The following FHIT variants were observed in gnomAD, a reference collection of about 807,000 sequenced individuals.
The protein encoded by FHIT is bis(5'-adenosyl)-triphosphatase.
A neutral mutation model predicts 17.9 loss-of-function variants in FHIT; 19 were observed. The observed-to-expected ratio is 1.06, with a 90% CI of 0.74 to 1.56. FHIT has a LOEUF of 1.56. Among genes scored for constraint, FHIT ranks in the 40% most tolerant of loss-of-function variants. The pLI is 0.00. For synonymous variants in FHIT, 81 were observed against 69.7 expected, an observed-to-expected ratio of 1.16 and a Z score of -0.81; for missense variants, 248 against 189.2, an observed-to-expected ratio of 1.31 and a Z score of -1.82.
chr3:59,849,532 C>T (rs1055834731), intron 8 of FHIT, among the ~76,000 whole-genome samples: 3 of 152,088 alleles, frequency 2.0e-5, no homozygotes, highest in African/African-American at 7.2e-5. Context: ...GGCCTCCAAC[C>T]CACAAATATA....
intron 1 of FHIT, among the ~76,000 whole-genome samples, chr3:61,204,915 C>T (rs1453166946): frequency 6.6e-6 from 1 of 151,944 alleles, no homozygotes; most frequent in African/African-American, 2.4e-5. Flanking sequence ...TGTTGGTGTG[C>T]TGCACCCATT....
intron 5 of FHIT, among the ~76,000 whole-genome samples, chr3:60,358,055 G>C (rs1699750231): frequency 6.6e-6 from 1 of 152,190 alleles, no homozygotes; most frequent in Non-Finnish European, 1.5e-5. Context: ...TTAGCAATTT[G>C]TGTTTTATTA....
At chr3:61,066,148 A>G (rs2034601790) in intron 2 of FHIT, among the ~76,000 whole-genome samples, 1 of 152,206 alleles carries the variant, frequency 6.6e-6, no homozygotes, top group Non-Finnish European at 1.5e-5. Flanking sequence ...CACTCTTGCA[A>G]TAGTGAACCC....
intron 3 of FHIT, among the ~76,000 whole-genome samples, chr3:60,986,354 G>T (rs1383516081): frequency 6.6e-6 from 1 of 152,180 alleles, no homozygotes. Flanking sequence ...GGCTGGAATA[G>T]ATCTTGGCCT....
intron 5 of FHIT, among the ~76,000 whole-genome samples, chr3:60,508,550 T>A (rs1057148376): frequency 6.6e-6 from 1 of 152,304 alleles, no homozygotes; most frequent in African/African-American, 2.4e-5. Flanking sequence ...TAATTTAGAC[T>A]TCATTGGAGA....
At chr3:60,676,330 C>G (rs1419779313) in intron 4 of FHIT, among the ~76,000 whole-genome samples, 1 of 152,118 alleles carries the variant, frequency 6.6e-6, no homozygotes, top group African/African-American at 2.4e-5. Context: ...GAACTTAAAT[C>G]ATCACTTCCC....
intron 5 of FHIT, among the ~76,000 whole-genome samples, chr3:60,337,998 T>C (rs998077717): frequency 1.3e-5 from 2 of 152,260 alleles, no homozygotes; most frequent in African/African-American, 4.8e-5. Context: ...CAAGTTTCCA[T>C]TTGTAAGGTA....
At chr3:59,774,653 A>C (rs1394130202) in intron 8 of FHIT, among the ~76,000 whole-genome samples, 1 of 152,116 alleles carries the variant, frequency 6.6e-6, no homozygotes, top group African/African-American at 2.4e-5. Flanking sequence ...TTTTTGCTTT[A>C]ACTTTTTTTC....
At chr3:60,779,433 AC>A (rs1553725232) in intron 4 of FHIT, among the ~76,000 whole-genome samples, 1 of 152,090 alleles carries the variant, frequency 6.6e-6, no homozygotes, top group South Asian at 2.1e-4. Flanking sequence ...TATCCTGCAA[AC>A]CCTGCCAGGT....
At chr3:59,929,533 G>A (rs1705859032) in intron 7 of FHIT, among the ~76,000 whole-genome samples, 1 of 151,648 alleles carries the variant, frequency 6.6e-6, no homozygotes, top group Non-Finnish European at 1.5e-5. Context: ...ACTATGCCCG[G>A]CTAATTTTTT....
chr3:60,295,218 G>A (rs1218335147), intron 5 of FHIT, among the ~76,000 whole-genome samples: 3 of 152,026 alleles, frequency 2.0e-5, no homozygotes, highest in African/African-American at 7.2e-5. Context: ...CCTGTGAATA[G>A]CCACTGCACT....
At chr3:60,368,038 T>C (rs185055447) in intron 5 of FHIT, among the ~76,000 whole-genome samples, 3 of 152,296 alleles carry the variant, frequency 2.0e-5, no homozygotes, top group Non-Finnish European at 4.4e-5. Context: ...ATTTTATCTA[T>C]GCTTTTGATG....
At chr3:61,187,372 A>G (rs981640750) in intron 2 of FHIT, among the ~76,000 whole-genome samples, 1 of 152,176 alleles carries the variant, frequency 6.6e-6, no homozygotes, top group Non-Finnish European at 1.5e-5. Flanking sequence ...ATTCAACAAG[A>G]AGAGCTAACT....
At chr3:60,953,149 T>C (rs1461469395) in intron 3 of FHIT, among the ~76,000 whole-genome samples, 3 of 152,208 alleles carry the variant, frequency 2.0e-5, no homozygotes, top group African/African-American at 4.8e-5. Flanking sequence ...CCATAGTTAT[T>C]CGTAACCCAA....
At chr3:60,398,121 C>CT (rs1408874591) in intron 5 of FHIT, among the ~76,000 whole-genome samples, 1 of 152,142 alleles carries the variant, frequency 6.6e-6, no homozygotes, top group Non-Finnish European at 1.5e-5. Context: ...GAGACAAGAA[C>CT]TCGGACCTAG....
At chr3:60,190,684 C>A (rs1368039763) in intron 5 of FHIT, among the ~76,000 whole-genome samples, 1 of 151,966 alleles carries the variant, frequency 6.6e-6, no homozygotes, top group Non-Finnish European at 1.5e-5. Flanking sequence ...TTAATGGGTG[C>A]AGCACACCAG....
chr3:59,967,330 G>C (rs185675789), intron 7 of FHIT, among the ~76,000 whole-genome samples: 1 of 152,210 alleles, frequency 6.6e-6, no homozygotes, highest in Admixed American at 6.5e-5. Context: ...TAACATAGTC[G>C]TTTATTATCA....
chr3:60,633,324 G>C (rs1261473877), intron 4 of FHIT, among the ~76,000 whole-genome samples: 1 of 152,034 alleles, frequency 6.6e-6, no homozygotes, highest in Non-Finnish European at 1.5e-5. Context: ...TGTATAAGAG[G>C]AATAATGAAA....
intron 4 of FHIT, among the ~76,000 whole-genome samples, chr3:60,799,466 G>T (rs150845448): frequency 2.2e-3 from 327 of 151,906 alleles, no homozygotes; most frequent in Non-Finnish European, 4.0e-3. Flanking sequence ...GAGCCACTGC[G>T]CCTGGCCCAA....
Sources: allele counts gnomAD v4.1 joint callset (sites outside exome capture counted in the v4.1 genomes callset), GRCh38; gene constraint gnomAD v4.1.1; transcripts MANE v1.5; gene names NCBI Gene and HGNC (gene_info 2026-07-23, HGNC 2026-07-21).